IQCB1: variants seen among roughly 807,000 people sequenced by gnomAD.
IQCB1 encodes the protein IQ motif containing B1.
Under a neutral mutation model 84.4 loss-of-function variants are expected in IQCB1, and 56 were observed. That is an observed-to-expected ratio of 0.66 (90% confidence interval 0.54 to 0.83). The LOEUF is 0.83. Ranked by LOEUF, IQCB1 falls within the 40% of genes least tolerant of loss-of-function variation. The probability of loss-of-function intolerance (pLI) is 0.00; values close to 1 mark genes in which losing one functional copy is unlikely to be tolerated. For missense variants in IQCB1, 629 were observed against 682.1 expected, an observed-to-expected ratio of 0.92 and a Z score of 0.87; for synonymous variants, 210 against 234.8, an observed-to-expected ratio of 0.89 and a Z score of 0.96.
chr3:121,808,817 T>C (rs925688179), intron 6 of IQCB1, 99 bp downstream of exon 6: 2 of 741,086 alleles, frequency 2.7e-6, no homozygotes, highest in East Asian at 2.6e-5. Context: ...TGTGGTTATC[T>C]GCACAGTTCA....
intron 5 of IQCB1, among the ~76,000 whole-genome samples, chr3:121,812,628 A>G (rs562320252): frequency 6.6e-6 from 1 of 152,356 alleles, no homozygotes; most frequent in East Asian, 1.9e-4. Context: ...AAGCATACAC[A>G]AGTATCAATA....
chr3:121,823,386 G>C (rs929940620), intron 5 of IQCB1, among the ~76,000 whole-genome samples: 18 of 151,916 alleles, frequency 1.2e-4, no homozygotes, highest in African/African-American at 4.4e-4. Context: ...TCTACAACAA[G>C]GTTCATCAAA....
At chr3:121,822,854 C>T (rs901386711) in intron 5 of IQCB1, among the ~76,000 whole-genome samples, 12 of 152,050 alleles carry the variant, frequency 7.9e-5, no homozygotes, top group African/African-American at 2.2e-4. Context: ...GAGGAAGATA[C>T]GAATTTCTAC....
At chr3:121,780,180 A>C (rs1219261076) in intron 13 of IQCB1, among the ~76,000 whole-genome samples, 1 of 152,098 alleles carries the variant, frequency 6.6e-6, no homozygotes, top group African/African-American at 2.4e-5. Flanking sequence ...CCATCTCCTT[A>C]ACTCAAGGAT....
intron 5 of IQCB1, among the ~76,000 whole-genome samples, chr3:121,811,179 A>T (rs1227988829): frequency 6.6e-6 from 1 of 152,068 alleles, no homozygotes; most frequent in Non-Finnish European, 1.5e-5. Context: ...GGGAAGTGCA[A>T]GGGGCTGGGG....
At chr3:121,780,656 A>G (rs554803036) in intron 13 of IQCB1, among the ~76,000 whole-genome samples, 1 of 152,360 alleles carries the variant, frequency 6.6e-6, no homozygotes, top group East Asian at 1.9e-4. Flanking sequence ...GTTACCAGAT[A>G]CATGCTCAGC....
chr3:121,785,107 GA>G (rs1161374653), intron 12 of IQCB1, among the ~76,000 whole-genome samples: 3 of 152,076 alleles, frequency 2.0e-5, no homozygotes, highest in Non-Finnish European at 4.4e-5. Flanking sequence ...AGCTCCTGGA[GA>G]AACAATGCCT....
At chr3:121,828,423 C>A in intron 4 of IQCB1, 47 bp downstream of exon 4, 2 of 1,510,014 alleles carry the variant, frequency 1.3e-6, no homozygotes, top group South Asian at 2.3e-5. Context: ...AAATCAGAAT[C>A]AACTACTACA....
At position 121,781,894 on chromosome 3, in the gene IQCB1, A is replaced by G. The variant is rs1270441423; in HGVS notation, c.1279-20T>C. The G allele has an allele frequency of 1.2e-6, 2 of 1,610,850 alleles. No homozygotes were observed. The highest frequency in any genetic ancestry group is 1.7e-6 in the Non-Finnish European group (2 of 1,177,922). ...AAGCGCCTGGAAGAAAAAAAATTGAAGGTTTGTGATTTTTCTCCCCTAACT... is the reference window on the plus strand; with the variant it reads ...AAGCGCCTGGAAGAAAAAAAATTGAGGGTTTGTGATTTTTCTCCCCTAACT... On this transcript the variant is annotated intron_variant, in intron 12 of 14. Coordinates refer to ENST00000310864, the MANE Select transcript of IQCB1 (RefSeq NM_001023570.4).
chr3:121,770,689 T>C (rs1354143361), intron 14 of IQCB1, 115 bp from the exon 15 acceptor site: 1 of 828,932 alleles, frequency 1.2e-6, no homozygotes, highest in Non-Finnish European at 2.1e-6. Flanking sequence ...CAACTCTGAA[T>C]GTACTACTTT....
In IQCB1 at chr3:121,770,185, G is replaced by A. The variant is rs1490063473; in HGVS notation, c.*160C>T. The A allele has an allele frequency of 3.3e-6, 2 of 607,022 alleles. No homozygotes were observed. Among genetic ancestry groups the A allele is most frequent in the Middle Eastern group, 4.3e-4 (1 of 2,314 alleles). 37.6% of individuals were successfully genotyped at this position (607,022 alleles called of 1,614,324 possible). On this transcript the variant is annotated 3_prime_UTR_variant, in exon 15 of 15. Transcript: ENST00000310864. ...AGAGAAAAGAAAAAGAAAATTGAGA[G>A]AGAGGTAGAATATAACTCTTTGCTT...
At chr3:121,775,484 A>G (rs905855514) in intron 13 of IQCB1, among the ~76,000 whole-genome samples, 1 of 152,068 alleles carries the variant, frequency 6.6e-6, no homozygotes, top group Non-Finnish European at 1.5e-5. Flanking sequence ...TGGGGTAGGG[A>G]ACTAAGGGAG....
At chr3:121,794,969 G>A (rs1490380318) in intron 10 of IQCB1, among the ~76,000 whole-genome samples, 1 of 152,070 alleles carries the variant, frequency 6.6e-6, no homozygotes, top group Non-Finnish European at 1.5e-5. Flanking sequence ...TTAAGTCATT[G>A]CAGAAAGTGG....
At chr3:121,784,717 T>C (rs906357304) in intron 12 of IQCB1, among the ~76,000 whole-genome samples, 2 of 152,186 alleles carry the variant, frequency 1.3e-5, no homozygotes, top group Admixed American at 1.3e-4. Context: ...GGTCTCACTC[T>C]GTCACCCTGG....
chr3:121,781,337 G>C (rs1948482907), intron 13 of IQCB1, among the ~76,000 whole-genome samples: 3 of 152,110 alleles, frequency 2.0e-5, no homozygotes, highest in African/African-American at 7.2e-5. Flanking sequence ...ATAGTCAAAT[G>C]CTATATCTTA....
At chr3:121,817,424 A>AT (rs1472384148) in intron 5 of IQCB1, among the ~76,000 whole-genome samples, 6 of 139,614 alleles carry the variant, frequency 4.3e-5, no homozygotes, top group Non-Finnish European at 4.9e-5. Context: ...TGAAAGTATA[A>AT]TAAAAAAAAA....
intron 1 of IQCB1, 111 bp downstream of exon 1, chr3:121,834,855 G>T: frequency 3.8e-6 from 1 of 261,804 alleles, no homozygotes; most frequent in South Asian, 4.1e-5. Context: ...CGATTCTCCC[G>T]TTAAGAGCTC....
chr3:121,781,684 A>C lies in IQCB1; in HGVS notation c.1410+59T>G, dbSNP rs561651126. ...ACACAATATATGTGTGTGTGTGTAC[A>C]GTTATCAATATCATGCATTGGAATA... On this transcript the variant is annotated intron_variant, in intron 13 of 14. Coordinates refer to ENST00000310864, the MANE Select transcript of IQCB1 (RefSeq NM_001023570.4). 1.5e-4 allele frequency: 208 copies of C among 1,417,860 alleles called. 1 individual carries two copies. The South Asian group carries it at 2.3e-3, about 16-fold the overall frequency. The allele number at this position is 1,417,860 out of a possible 1,614,324, so 87.8% of individuals were successfully genotyped here.
intron 11 of IQCB1, among the ~76,000 whole-genome samples, chr3:121,789,122 G>A (rs1450849662): frequency 1.3e-5 from 2 of 152,184 alleles, no homozygotes; most frequent in African/African-American, 4.8e-5. Context: ...TGACTTTGGT[G>A]TTTGGGATGC....
Sources: allele counts gnomAD v4.1 joint callset (sites outside exome capture counted in the v4.1 genomes callset), GRCh38; gene constraint gnomAD v4.1.1; transcripts MANE v1.5; gene names NCBI Gene and HGNC (gene_info 2026-07-23, HGNC 2026-07-21).